PVT1: variants seen among roughly 807,000 people sequenced by gnomAD.
The protein encoded by PVT1 is CXCR4/PVT1 fusion.
At chr8:127,975,346 A>G (rs1371287195) in intron 3 of PVT1, among the ~76,000 whole-genome samples, 6 of 152,300 alleles carry the variant, frequency 3.9e-5, no homozygotes, top group East Asian at 3.8e-4. Flanking sequence ...TTATCATTCA[A>G]TGGATGCAGA....
intron 4 of PVT1, among the ~76,000 whole-genome samples, chr8:128,053,232 T>A (rs917555999): frequency 6.6e-6 from 1 of 152,168 alleles, no homozygotes; most frequent in Non-Finnish European, 1.5e-5. Context: ...AGTCTTGGTT[T>A]TGTTAGATCA....
At position 127,969,610 on chromosome 8, in the gene PVT1, A is replaced by C. The variant is rs562951899; in HGVS notation, n.783-19552A>C. Among the ~76,000 whole-genome samples the C allele has an allele frequency of 4.6e-5, 7 of 152,326 alleles. No individual in the cohort carries two copies. In the South Asian group the frequency reaches 1.4e-3, roughly 32 times the overall value. The stretch of plus-strand genomic sequence containing the variant: ...TGTGCTGGGCTTCCAAGGAATCTGC[A>C]GTCCTCTTCACTGCCTCTTCCTGAG... On this transcript the variant is annotated intron_variant and non_coding_transcript_variant, in intron 3 of 10. Transcript: ENST00000651587.
chr8:128,072,908 A>ACTGCAACCTC (rs1814015255), intron 5 of PVT1, among the ~76,000 whole-genome samples: 1 of 151,836 alleles, frequency 6.6e-6, no homozygotes, highest in Admixed American at 6.6e-5. Context: ...ATCTCAACTC[A>ACTGCAACCTC]CTGCAACCTC....
intron 2 of PVT1, among the ~76,000 whole-genome samples, chr8:127,879,525 T>C: frequency 6.6e-6 from 1 of 152,088 alleles, no homozygotes; most frequent in East Asian, 1.9e-4. Context: ...CAAGACTCTA[T>C]CTCAATTAAA....
At chr8:128,009,443 T>C (rs1255534017) in intron 4 of PVT1, 1 of 152,778 alleles carries the variant, frequency 6.5e-6, no homozygotes, top group African/African-American at 2.4e-5. Flanking sequence ...CCCTGTTAAA[T>C]TGCACCCAAA....
At chr8:127,847,374 A>T (rs1815047867) in intron 2 of PVT1, among the ~76,000 whole-genome samples, 1 of 152,194 alleles carries the variant, frequency 6.6e-6, no homozygotes, top group African/African-American at 2.4e-5. Flanking sequence ...ATGCAAGTGG[A>T]TGTGGCCCTT....
chr8:128,017,178 A>C (rs1817383831), intron 4 of PVT1, among the ~76,000 whole-genome samples: 1 of 152,184 alleles, frequency 6.6e-6, no homozygotes, highest in Non-Finnish European at 1.5e-5. Context: ...GTGGACCTCA[A>C]ATCCCGACAT....
At chr8:127,877,301 C>T (rs1176338315) in intron 2 of PVT1, among the ~76,000 whole-genome samples, 2 of 152,228 alleles carry the variant, frequency 1.3e-5, no homozygotes. Context: ...CCGCCCTTTT[C>T]ACGCTGCTGT....
intron 4 of PVT1, among the ~76,000 whole-genome samples, chr8:128,018,231 T>C (rs1011045985): frequency 6.6e-6 from 1 of 152,192 alleles, no homozygotes; most frequent in Non-Finnish European, 1.5e-5. Context: ...GGCATGATGA[T>C]ATTATAAGGA....
chr8:128,084,145 G>C (rs939595856), intron 5 of PVT1, among the ~76,000 whole-genome samples: 24 of 152,106 alleles, frequency 1.6e-4, no homozygotes, highest in African/African-American at 5.3e-4. Flanking sequence ...GTGAACCAAA[G>C]CATGAGACTA....
At chr8:128,080,985 T>C (rs1814169827) in intron 5 of PVT1, among the ~76,000 whole-genome samples, 1 of 152,260 alleles carries the variant, frequency 6.6e-6, no homozygotes, top group Non-Finnish European at 1.5e-5. Flanking sequence ...TCGATTGCAA[T>C]GTCTTTGCTC....
rs562397147 is a variant in PVT1, at chr8:128,065,836, G to A, written n.913-4324G>A. 9.5e-4 allele frequency among the ~76,000 whole-genome samples: 145 copies of A among 152,284 alleles called. 2 individuals are homozygous for A. The Middle Eastern group carries it at 0.01, about 11-fold the overall frequency. ...ATTGTGCACACTAAATTAAGCTGAC[G>A]GAGTCCCTGCCCTGTGGAACCTTTC... On this transcript the variant is annotated intron_variant and non_coding_transcript_variant, in intron 4 of 10. Coordinates refer to ENST00000651587, the Ensembl canonical transcript of PVT1.
chr8:127,817,730 A>G (rs1814682617), intron 2 of PVT1, among the ~76,000 whole-genome samples: 1 of 150,474 alleles, frequency 6.6e-6, no homozygotes, highest in Non-Finnish European at 1.5e-5. Context: ...AAAATGAAAA[A>G]TAAAAAAAAA....
chr8:127,975,892 T>A (rs1010450737), intron 3 of PVT1, among the ~76,000 whole-genome samples: 1 of 152,244 alleles, frequency 6.6e-6, no homozygotes, highest in African/African-American at 2.4e-5. Flanking sequence ...TTTCTCTTGC[T>A]GCTTCACTCA....
At chr8:128,018,068 T>C (rs76937209) in intron 4 of PVT1, among the ~76,000 whole-genome samples, 2,482 of 152,204 alleles carry the variant, frequency 0.016, 65 homozygotes, top group African/African-American at 0.056. Flanking sequence ...ACCATGAAAA[T>C]TCCAAAATAG....
chr8:128,057,680 C>G (rs1214175024), intron 4 of PVT1, among the ~76,000 whole-genome samples: 1 of 152,196 alleles, frequency 6.6e-6, no homozygotes, highest in Admixed American at 6.5e-5. Context: ...AACATGCTTT[C>G]CTCCCTGCAT....
chr8:127,974,735 A>G (rs1280310451), intron 3 of PVT1, among the ~76,000 whole-genome samples: 1 of 152,190 alleles, frequency 6.6e-6, no homozygotes, highest in Non-Finnish European at 1.5e-5. Context: ...TATTGATGTC[A>G]TTTATTACAC....
At chr8:128,041,235 GTGT>G (rs61724375) in intron 4 of PVT1, among the ~76,000 whole-genome samples, 84,796 of 145,666 alleles carry the variant, frequency 0.58, 24,697 homozygotes, top group East Asian at 0.81. Flanking sequence ...GCATGTGTGT[GTGT>G]TGTTTGTGTG....
chr8:128,000,612 G>T (rs925057027), intron 4 of PVT1, among the ~76,000 whole-genome samples: 4 of 152,254 alleles, frequency 2.6e-5, no homozygotes, highest in African/African-American at 9.6e-5. Context: ...AAAACTGGCA[G>T]GTGGGAAGGG....
Sources: gnomAD v4.1 joint callset for allele counts (sites outside exome capture counted in the v4.1 genomes callset) on GRCh38, gnomAD v4.1.1 for gene constraint, MANE v1.5 for transcripts, NCBI Gene and HGNC (gene_info 2026-07-23, HGNC 2026-07-21) for gene names.